Variants in SLCO3A1 observed in about 807,000 individuals in gnomAD.
SLCO3A1 encodes PGE1 transporter.
A neutral mutation model predicts 63.1 loss-of-function variants in SLCO3A1; 27 were observed. The ratio of observed to expected loss-of-function variants is 0.43; its 90% confidence interval spans 0.32 to 0.59. The LOEUF is 0.59. Among genes scored for constraint, SLCO3A1 ranks in the 20% least tolerant of loss-of-function variants. The pLI, the probability that SLCO3A1 is intolerant of heterozygous loss-of-function variation, is 0.09. For synonymous variants in SLCO3A1, 473 were observed against 409.9 expected (o/e 1.15, Z -1.86); for missense variants, 773 against 945.8 (o/e 0.82, Z 2.40).
Position 91,882,843 on chromosome 15 carries a change from G to C in SLCO3A1, c.180+28755G>C, listed in dbSNP as rs780411321. ...AGCCATGACTTCTTAATCCCACTCG[G>C]ATTTCACTGAATATGTGCGATAAGT... On this transcript the variant is annotated intron_variant, in intron 1 of 9. Transcript: ENST00000318445. This position sits in a 1 kb window ranked among gnomAD's most constrained non-coding sequence, Gnocchi z 4.4. Among the ~76,000 whole-genome samples, 5 of 152,156 alleles carry C rather than the reference G, an allele frequency of 3.3e-5. No individual in the cohort carries two copies. The highest frequency in any genetic ancestry group is 7.4e-5 in the Non-Finnish European group (5 of 68,022).
At chr15:92,169,063 CTAA>C (rs1322487582), downstream of SLCO3A1, among the ~76,000 whole-genome samples, 1 of 152,214 alleles carries the variant, frequency 6.6e-6, no homozygotes, top group African/African-American at 2.4e-5. Context: ...TTGGTAAGCA[CTAA>C]TAATAGTAGC....
intron 2 of SLCO3A1, among the ~76,000 whole-genome samples, chr15:91,930,132 T>G (rs1250957433): frequency 6.6e-6 from 1 of 152,176 alleles, no homozygotes; most frequent in African/African-American, 2.4e-5. Flanking sequence ...TGACCAGCCT[T>G]GTCCTCCCCT....
intron 2 of SLCO3A1, among the ~76,000 whole-genome samples, chr15:92,085,626 G>A (rs1421463292): frequency 6.6e-6 from 1 of 152,232 alleles, no homozygotes; most frequent in Non-Finnish European, 1.5e-5. Flanking sequence ...GTGCATACGT[G>A]TGTATTAAAA....
At chr15:91,964,176 C>T (rs538400000) in intron 2 of SLCO3A1, among the ~76,000 whole-genome samples, 29 of 152,130 alleles carry the variant, frequency 1.9e-4, no homozygotes, top group Non-Finnish European at 3.4e-4. Flanking sequence ...TCAGGAAAAG[C>T]AAACCTGTGG....
intron 2 of SLCO3A1, among the ~76,000 whole-genome samples, chr15:92,061,197 T>C (rs1394514679): frequency 6.6e-6 from 1 of 152,254 alleles, no homozygotes. Context: ...GCCTAATAAA[T>C]GATCCTTGTT....
intron 1 of SLCO3A1, among the ~76,000 whole-genome samples, chr15:91,888,558 A>ATT (rs141079219): frequency 6.6e-6 from 1 of 151,846 alleles, no homozygotes. Flanking sequence ...TGAAATCTCA[A>ATT]TTTTTTTTCC....
At chr15:92,091,427 G>A (rs77915354) in intron 2 of SLCO3A1, among the ~76,000 whole-genome samples, 4,069 of 152,294 alleles carry the variant, frequency 0.027, 89 homozygotes, top group Admixed American at 0.051. Flanking sequence ...CTCCATTCAG[G>A]CAGAACATTC....
intron 2 of SLCO3A1, among the ~76,000 whole-genome samples, chr15:92,086,104 C>T (rs1330682303): frequency 6.6e-6 from 1 of 152,216 alleles, no homozygotes; most frequent in Non-Finnish European, 1.5e-5. Context: ...TTGGATGCTT[C>T]TCCAAGAATG....
At chr15:92,161,087 G>T (rs1317857337) in intron 9 of SLCO3A1, among the ~76,000 whole-genome samples, 2 of 152,192 alleles carry the variant, frequency 1.3e-5, no homozygotes, top group Admixed American at 1.3e-4. Flanking sequence ...TCCAGACAGA[G>T]GTATAGAGGC....
chr15:92,017,359 A>G (rs2046450930), intron 2 of SLCO3A1, among the ~76,000 whole-genome samples: 1 of 152,110 alleles, frequency 6.6e-6, no homozygotes, highest in Non-Finnish European at 1.5e-5. Flanking sequence ...TCCTTATATA[A>G]ACTTAAAAAG....
At chr15:92,078,428 T>C (rs1305723769) in intron 2 of SLCO3A1, among the ~76,000 whole-genome samples, 1 of 152,202 alleles carries the variant, frequency 6.6e-6, no homozygotes, top group African/African-American at 2.4e-5. Flanking sequence ...GCTGCTGTGC[T>C]TCTTGCTGTA....
chr15:92,084,864 T>C (rs1384777720), intron 2 of SLCO3A1, among the ~76,000 whole-genome samples: 1 of 152,160 alleles, frequency 6.6e-6, no homozygotes, highest in Non-Finnish European at 1.5e-5. Context: ...AGCCAGCCAG[T>C]GATAGTATCT....
chr15:91,869,778 G>A (rs553878960), intron 1 of SLCO3A1, among the ~76,000 whole-genome samples: 14 of 152,192 alleles, frequency 9.2e-5, no homozygotes, highest in Admixed American at 9.1e-4. Flanking sequence ...CATCTTGGGG[G>A]TTGTGTGGAA....
chr15:91,963,514 C>T (rs1900541104), intron 2 of SLCO3A1, among the ~76,000 whole-genome samples: 1 of 151,994 alleles, frequency 6.6e-6, no homozygotes, highest in Non-Finnish European at 1.5e-5. Flanking sequence ...AACATTTCAT[C>T]TGATTGGATC....
At chr15:92,166,822 C>A (rs566675632), downstream of SLCO3A1, among the ~76,000 whole-genome samples, 1 of 152,168 alleles carries the variant, frequency 6.6e-6, no homozygotes, top group South Asian at 2.1e-4. Context: ...TCTGGGTCCC[C>A]GTGTGCCTGC....
At chr15:91,899,808 C>T (rs778792457) in intron 1 of SLCO3A1, among the ~76,000 whole-genome samples, 8 of 152,158 alleles carry the variant, frequency 5.3e-5, no homozygotes, top group Non-Finnish European at 8.8e-5. Context: ...TTTCTTTCTC[C>T]ATAGCTTTCC....
chr15:92,051,890 G>A, intron 2 of SLCO3A1, among the ~76,000 whole-genome samples: 1 of 152,162 alleles, frequency 6.6e-6, no homozygotes, highest in East Asian at 1.9e-4. Context: ...CTACAGCAAT[G>A]AGTCTTCTTT....
intron 4 of SLCO3A1, among the ~76,000 whole-genome samples, chr15:92,110,617 C>T (rs866902989): frequency 6.6e-6 from 1 of 152,218 alleles, no homozygotes; most frequent in Non-Finnish European, 1.5e-5. Flanking sequence ...TTAGGAACAT[C>T]TTCCTGACCT....
At chr15:92,112,978 G>A (rs1596112069) in intron 4 of SLCO3A1, among the ~76,000 whole-genome samples, 1 of 152,204 alleles carries the variant, frequency 6.6e-6, no homozygotes, top group South Asian at 2.1e-4. Context: ...TTGCTGCCAT[G>A]GAGGTGGCCA....
Sources: gnomAD v4.1 joint callset for allele counts (sites outside exome capture counted in the v4.1 genomes callset) on GRCh38, gnomAD v4.1.1 for gene constraint, Gnocchi (gnomAD v3.1) non-coding constraint, MANE v1.5 for transcripts, NCBI Gene and HGNC (gene_info 2026-07-23, HGNC 2026-07-21) for gene names.